EME1: variants seen among roughly 807,000 people sequenced by gnomAD.
EME1 encodes structure-specific endonuclease subunit EME1.
A neutral mutation model predicts 59.1 loss-of-function variants in EME1; 61 were observed. The ratio of observed to expected loss-of-function variants is 1.03; its 90% confidence interval spans 0.84 to 1.28. The LOEUF (loss-of-function observed/expected upper bound fraction) is 1.28, where lower values mean the gene tolerates loss of function less well. EME1 is among the 50% of genes most tolerant of loss of function. The probability of loss-of-function intolerance (pLI) is 0.00; values close to 1 mark genes in which losing one functional copy is unlikely to be tolerated. For missense variants in EME1, 635 were observed against 682.6 expected (o/e 0.93, Z 0.78); for synonymous variants, 230 against 254.2 (o/e 0.90, Z 0.90).
chr17:50,380,493 C>T lies in EME1; in HGVS notation c.1528C>T (p.Leu510=), dbSNP rs780345470. ...GAATGCCTATCCCTCCCCACAGCTC[C>T]TGGTACAGGTATGCTGCTCCAGGGC... ...VVNAYPSPQL[L]VQAYQQCFSD... is the part of the protein sequence containing the mutation. The change falls in exon 8 of 9, where the codon CTG becomes TTG. Residue 510 remains leucine (L), a synonymous_variant. Transcript: ENST00000338165. 7.4e-6 allele frequency: 12 copies of T among 1,613,548 alleles called. No individual in the cohort carries two copies. In the South Asian group the frequency reaches 1.3e-4, roughly 18 times the overall value.
In EME1 at chr17:50,379,188, C is replaced by G. The variant is rs1283933148; in HGVS notation, c.1194C>G (p.Ser398Arg). 1.9e-6 allele frequency: 3 copies of G among 1,614,194 alleles called. No homozygotes were observed. Among genetic ancestry groups the G allele is most frequent in the Non-Finnish European group, 2.5e-6 (3 of 1,180,034 alleles). Reference protein sequence around the residue: ...KKQQQRQPEASIGSMVSRVDA... With the variant: ...KKQQQRQPEARIGSMVSRVDA... ...AGCAGCAGAGACAACCAGAGGCCAG[C>G]ATAGGGTCCATGGTATCCAGGGTAG... The change falls in exon 6 of 9, where the codon AGC becomes AGG. Residue 398 changes from serine (S) to arginine (R), a missense_variant. Physicochemically the swap from Ser to Arg is moderately radical, Grantham distance 110. Transcript: ENST00000338165.
intron 8 of EME1, 97 bp downstream of exon 8, chr17:50,380,598 C>T: frequency 6.5e-7 from 1 of 1,549,112 alleles, no homozygotes; most frequent in Non-Finnish European, 8.8e-7. Flanking sequence ...CCACAAAGGC[C>T]TCACAGGTCA....
In EME1 at chr17:50,378,844, CA is replaced by C. The variant is rs749928401; in HGVS notation, c.1062del (p.Ala355GlnfsTer8). On this transcript the variant is annotated frameshift_variant, in exon 5 of 9. Transcript: ENST00000338165. LOFTEE classifies it high-confidence loss of function. ...QGFVTDITAK[T>X]AGKALSLVIV... ...TTTGTAACTGACATCACAGCAAAGA[CA>C]GCAGGGAAAGCTCTGTCACTGGTGA... 6.2e-7 allele frequency: 1 copy of C among 1,614,190 alleles called. No homozygotes were observed. The highest frequency in any genetic ancestry group is 1.1e-5 in the South Asian group (1 of 91,084).
Position 50,381,292 on chromosome 17 carries a change from T to C in EME1, c.*353T>C, listed in dbSNP as rs1407640218. 1 of 232,112 alleles carries C rather than the reference T, an allele frequency of 4.3e-6. No individual in the cohort carries two copies. 14.4% of individuals were successfully genotyped at this position (232,112 alleles called of 1,614,324 possible). A position where few individuals can be genotyped will look rare whatever the true frequency, so the allele number is the denominator to read the frequency against. On this transcript the variant is annotated 3_prime_UTR_variant, in exon 9 of 9. Transcript: ENST00000338165. ...GAAATCCAAAAGAATTAGCATCAAA[T>C]CTTGAAGTCGTGAGTGAAGCTGCGG...
rs762656214 is a variant in EME1 at position 50,375,468 on chromosome 17, G to A, written c.260G>A (p.Ser87Asn). Residue 87 changes from serine (S) to asparagine (N), a missense_variant, in exon 2 of 9, where the codon AGT becomes AAT. Coordinates refer to ENST00000338165, the MANE Select transcript of EME1 (RefSeq NM_152463.4). Reference sequence around the variant, plus strand: ...CCAGTCAGGTTGCTAAGCAGTGAAAGTGAAGATGAAGAAGAATTTATTCCT... The same window carrying A: ...CCAGTCAGGTTGCTAAGCAGTGAAAATGAAGATGAAGAAGAATTTATTCCT... ...TQPVRLLSSE[S>N]EDEEEFIPLA... The A allele has an allele frequency of 1.2e-6, 2 of 1,614,058 alleles. No homozygotes were observed.
chr17:50,375,657 C>T lies in EME1; in HGVS notation c.449C>T (p.Thr150Ile). ...ATCCCTGAAGTTCCCCTCCATGATA[C>T]CCCAGAGAGGAGTGCAGCAGATAAC... Reference protein sequence around the residue: ...PKIPEVPLHDTPERSAADNKD... With the variant: ...PKIPEVPLHDIPERSAADNKD... Residue 150 changes from threonine to isoleucine, a missense_variant, in exon 2 of 9, where the codon ACC becomes ATC. Physicochemically the swap from Thr to Ile is moderately conservative, Grantham distance 89. Transcript: ENST00000338165. 5.0e-6 allele frequency: 8 copies of T among 1,614,070 alleles called. No individual in the cohort carries two copies. The highest frequency in any genetic ancestry group is 6.8e-6 in the Non-Finnish European group (8 of 1,179,994).
In EME1 at chr17:50,380,866, C is replaced by G; in HGVS notation, c.1640C>G (p.Pro547Arg). The stretch of plus-strand genomic sequence containing the variant: ...ACATCCACTTCTCGCCGCATTGGAC[C>G]AGAACTATCCAGGCGTATCTACCTT... ...GVTSTSRRIG[P>R]ELSRRIYLQM... is the part of the protein sequence containing the mutation. Residue 547 changes from proline to arginine, a missense_variant, in exon 9 of 9, where the codon CCA becomes CGA. Coordinates refer to ENST00000338165, the MANE Select transcript of EME1 (RefSeq NM_152463.4). 1.2e-6 allele frequency: 2 copies of G among 1,614,166 alleles called. No individual in the cohort carries two copies. Among genetic ancestry groups the G allele is most frequent in the South Asian group, 1.1e-5 (1 of 91,078 alleles).
chr17:50,379,331 A>T (rs943004741), intron 6 of EME1, 107 bp downstream of exon 6: 5 of 1,590,018 alleles, frequency 3.1e-6, no homozygotes, highest in Admixed American at 1.7e-5. Context: ...CTGCCTTGGC[A>T]CTGACTAAGA....
rs1341583911 is a variant in EME1, at chr17:50,376,175, A to G, written c.885A>G (p.Arg295=). ...QAVPCSVTWR[R]RAGPSEDRED... ...TGCCTTGCAGTGTCACTTGGAGGAGAAGGGCTGGGCCGTCTGAGGTAGGAG... is the reference window on the plus strand; with the variant it reads ...TGCCTTGCAGTGTCACTTGGAGGAGGAGGGCTGGGCCGTCTGAGGTAGGAG... The change falls in exon 3 of 9, where the codon AGA becomes AGG. Residue 295 remains arginine, a synonymous_variant. Coordinates refer to ENST00000338165, the MANE Select transcript of EME1 (RefSeq NM_152463.4). The G allele has an allele frequency of 1.2e-6, 2 of 1,613,474 alleles. No homozygotes were observed. Among genetic ancestry groups the G allele is most frequent in the Non-Finnish European group, 8.5e-7 (1 of 1,179,944 alleles).
chr17:50,373,610 C>T (rs1913275939), intron 1 of EME1, among the ~76,000 whole-genome samples: 1 of 152,210 alleles, frequency 6.6e-6, no homozygotes, highest in Non-Finnish European at 1.5e-5. Flanking sequence ...CTGTTACCAT[C>T]CCTGTTTTAC....
chr17:50,380,733 C>T (rs1213844260), intron 8 of EME1, 30 bp from the exon 9 acceptor site: 1 of 1,612,670 alleles, frequency 6.2e-7, no homozygotes, highest in Non-Finnish European at 8.5e-7. Flanking sequence ...ATGGATGGTA[C>T]CATATTAAGA....
chr17:50,379,310 C>T (rs541606328), intron 6 of EME1, 86 bp downstream of exon 6: 142 of 1,596,952 alleles, frequency 8.9e-5, no homozygotes, highest in African/African-American at 8.3e-4. Flanking sequence ...ATGCCTGCTG[C>T]GTACTGTTTT....
chr17:50,378,736 G>C, intron 4 of EME1, 38 bp from the exon 5 acceptor site: 1 of 1,614,212 alleles, frequency 6.2e-7, no homozygotes, highest in Non-Finnish European at 8.5e-7. Flanking sequence ...CTCTTACTAG[G>C]AAGCAAGTAT....
intron 1 of EME1, among the ~76,000 whole-genome samples, chr17:50,374,884 C>T (rs780252939): frequency 6.6e-5 from 10 of 151,836 alleles, no homozygotes; most frequent in Non-Finnish European, 1.2e-4. Flanking sequence ...CCATTTCAAA[C>T]GTGAAGATAA....
Position 50,379,557 on chromosome 17 carries a change from G to A in EME1, c.1336G>A (p.Ala446Thr), listed in dbSNP as rs768031573. Residue 446 changes from alanine (A) to threonine (T), a missense_variant, in exon 7 of 9, where the codon GCG (alanine) becomes ACG (threonine). Ala to Thr is a moderately conservative substitution (Grantham distance 58). Transcript: ENST00000338165. ...TCAFTKAVAE[A>T]PFKKLRDETT... ...CGCATTCACAAAGGCTGTGGCTGAG[G>A]CGCCCTTCAAGTGAGTAACCCCAGC... 1 of 1,613,962 alleles carries A rather than the reference G, an allele frequency of 6.2e-7. No homozygotes were observed. Among genetic ancestry groups the A allele is most frequent in the Non-Finnish European group, 8.5e-7 (1 of 1,180,024 alleles).
At position 50,378,838 on chromosome 17, in the gene EME1, C is replaced by T. The variant is rs752963366; in HGVS notation, c.1055C>T (p.Ala352Val). The T allele has an allele frequency of 6.2e-7, 1 of 1,614,170 alleles. No individual in the cohort carries two copies. Among genetic ancestry groups the T allele is most frequent in the Admixed American group, 1.7e-5 (1 of 60,020 alleles). ...CAGGGCTTTGTAACTGACATCACAG[C>T]AAAGACAGCAGGGAAAGCTCTGTCA... ...TLQGFVTDIT[A>V]KTAGKALSLV... Residue 352 changes from alanine to valine, a missense_variant, in exon 5 of 9, where the codon GCA (alanine) becomes GTA (valine). Coordinates refer to ENST00000338165, the MANE Select transcript of EME1 (RefSeq NM_152463.4).
chr17:50,373,876 C>T (rs1277963358), intron 1 of EME1, among the ~76,000 whole-genome samples: 2 of 152,176 alleles, frequency 1.3e-5, no homozygotes, highest in Non-Finnish European at 2.9e-5. Context: ...CAAAATGTAG[C>T]ATATCCATAC....
intron 3 of EME1, 63 bp downstream of exon 3, chr17:50,376,256 C>A: frequency 6.3e-7 from 1 of 1,587,120 alleles, no homozygotes; most frequent in Middle Eastern, 2.3e-4. Context: ...GATAAATATG[C>A]TTTTATTTTA....
chr17:50,373,718 A>G (rs992928468), intron 1 of EME1, among the ~76,000 whole-genome samples: 1 of 152,188 alleles, frequency 6.6e-6, no homozygotes, highest in Non-Finnish European at 1.5e-5. Flanking sequence ...TTTGCATATG[A>G]CCCAGCAATT....
Sources: allele counts gnomAD v4.1 joint callset (sites outside exome capture counted in the v4.1 genomes callset), GRCh38; gene constraint gnomAD v4.1.1; transcripts MANE v1.5; gene names NCBI Gene and HGNC (gene_info 2026-07-23, HGNC 2026-07-21).